The following FCN2 variants were observed in gnomAD, a reference collection of about 807,000 sequenced individuals.
The protein encoded by FCN2 is ficolin 2, also known as ficolin-2.
In FCN2, 31 loss-of-function variants were observed where a neutral mutation model predicts 32.5. The observed-to-expected ratio is 0.96, with a 90% CI of 0.72 to 1.29. The LOEUF is 1.29. FCN2 is among the 50% of genes most tolerant of loss of function. FCN2 has a pLI of 0.00. For synonymous variants in FCN2, 181 were observed against 164.5 expected (o/e 1.10, Z -0.77); for missense variants, 412 against 406.5 (o/e 1.01, Z -0.12).
the FCN2 span, among the ~76,000 whole-genome samples, chr9:134,864,502 G>A: frequency 6.6e-6 from 1 of 152,206 alleles, no homozygotes; most frequent in Non-Finnish European, 1.5e-5. Context: ...AATGGAGAGA[G>A]AGGTTACAGT....
intron 1 of FCN2, among the ~76,000 whole-genome samples, chr9:134,881,919 C>T (rs147899762): frequency 2.0e-5 from 3 of 152,312 alleles, no homozygotes; most frequent in Non-Finnish European, 2.9e-5. Context: ...AGCTGCATTC[C>T]AGCTCTAGTT....
Position 134,884,761 on chromosome 9 carries a change from C to G in FCN2, c.290C>G (p.Pro97Arg), listed in dbSNP as rs543597653. The stretch of plus-strand genomic sequence containing the variant: ...ACAGGAGCACCTGGGGAGCCCCAGC[C>G]GTGCCTGACAGGTGACTGACCACCC... ...GPNGAPGEPQ[P>R]CLTGPRTCKD... is the part of the protein sequence containing the mutation. The change falls in exon 4 of 8, where the codon CCG becomes CGG. Residue 97 changes from proline to arginine, a missense_variant. Physicochemically the swap from Pro to Arg is moderately radical, Grantham distance 103. Coordinates refer to ENST00000291744, the MANE Select transcript of FCN2 (RefSeq NM_004108.3). 64 of 1,614,026 alleles carry G rather than the reference C, an allele frequency of 4.0e-5. No individual in the cohort carries two copies. The highest frequency in any genetic ancestry group is 5.3e-5 in the Non-Finnish European group (63 of 1,179,946).
At chr9:134,884,628 C>G (rs1251800956) in intron 3 of FCN2, 112 bp from the exon 4 acceptor site, 6 of 1,084,906 alleles carry the variant, frequency 5.5e-6, no homozygotes, top group African/African-American at 1.5e-5. Context: ...TGGCTGGACC[C>G]ATACCATCAC....
Position 134,887,206 on chromosome 9 carries a change from A to C in FCN2, c.733A>C (p.Thr245Pro), listed in dbSNP as rs1327068120. ...LTFHNNQSFS[T>P]KDQDNDLNTG... Reference sequence around the variant, plus strand: ...GTTCCACAACAACCAGTCCTTCTCCACCAAAGACCAGGACAATGATCTTAA... The same window carrying C: ...GTTCCACAACAACCAGTCCTTCTCCCCCAAAGACCAGGACAATGATCTTAA... The change falls in exon 8 of 8, where the codon ACC (threonine) becomes CCC (proline). Residue 245 changes from threonine to proline, a missense_variant. Coordinates refer to ENST00000291744, the MANE Select transcript of FCN2 (RefSeq NM_004108.3). 1.2e-6 allele frequency: 2 copies of C among 1,614,120 alleles called. No homozygotes were observed. The highest frequency in any genetic ancestry group is 1.7e-6 in the Non-Finnish European group (2 of 1,179,968).
rs1258759174 is a variant in FCN2, at chr9:134,887,323, C to G, written c.850C>G (p.His284Asp). The change falls in exon 8 of 8, where the codon CAT becomes GAT. Residue 284 changes from histidine to aspartate, a missense_variant. Coordinates refer to ENST00000291744, the MANE Select transcript of FCN2 (RefSeq NM_004108.3). ...GAATGGTCGCTACCTCAGGGGGACT[C>G]ATGGCAGCTTTGCAAATGGCATCAA... ...NLNGRYLRGT[H>D]GSFANGINWK... The G allele has an allele frequency of 1.9e-6, 3 of 1,614,142 alleles. 1 individual carries two copies. The South Asian group carries it at 3.3e-5, about 18-fold the overall frequency.
the FCN2 span, among the ~76,000 whole-genome samples, chr9:134,869,526 C>G: frequency 6.6e-6 from 1 of 152,204 alleles, no homozygotes; most frequent in East Asian, 1.9e-4. Flanking sequence ...GGGCTCAGAC[C>G]CCCGCAGGCT....
chr9:134,876,116 G>A (rs1830601818), upstream of FCN2, among the ~76,000 whole-genome samples: 1 of 152,040 alleles, frequency 6.6e-6, no homozygotes, highest in East Asian at 1.9e-4. Context: ...TCTATTCCTG[G>A]GCTAAACCTC....
At chr9:134,867,606 A>C in the FCN2 span, among the ~76,000 whole-genome samples, 1,959 of 151,472 alleles carry the variant, frequency 0.013, 36 homozygotes, top group South Asian at 0.091. Context: ...TAACCTGCAC[A>C]TTGTACCCAT....
intron 3 of FCN2, among the ~76,000 whole-genome samples, chr9:134,883,821 G>A (rs1830703118): frequency 1.4e-5 from 2 of 138,688 alleles, no homozygotes; most frequent in Admixed American, 7.2e-5. Context: ...GATTATTCGG[G>A]GAGGGACTTT....
the FCN2 span, chr9:134,868,248 A>C: frequency 6.6e-6 from 1 of 152,326 alleles, no homozygotes; most frequent in East Asian, 1.9e-4. This position sits in a 1 kb window ranked among gnomAD's most constrained non-coding sequence, Gnocchi z 4.3. Context: ...GACACACCAC[A>C]ACAACTACCC....
chr9:134,870,821 G>A, the FCN2 span, among the ~76,000 whole-genome samples: 1 of 152,096 alleles, frequency 6.6e-6, no homozygotes, highest in African/African-American at 2.4e-5. The surrounding 1 kb of genome is among the most constrained non-coding windows in gnomAD (Gnocchi z 4.3). Flanking sequence ...TGGGAGGGAG[G>A]TGGGAGGGAA....
intron 3 of FCN2, among the ~76,000 whole-genome samples, chr9:134,884,060 C>G (rs1830707706): frequency 6.6e-6 from 1 of 151,914 alleles, no homozygotes; most frequent in African/African-American, 2.4e-5. Context: ...CTGTCTTGTC[C>G]CCTCCTCCTG....
chr9:134,880,988 GT>G (rs1830655250), intron 1 of FCN2, 67 bp downstream of exon 1: 1 of 1,196,674 alleles, frequency 8.4e-7, no homozygotes, highest in Non-Finnish European at 1.2e-6. Context: ...TTCGTGATTG[GT>G]GGCTTCCTGG....
At chr9:134,885,213 A>G (rs1434337604) in intron 4 of FCN2, 26 bp from the exon 5 acceptor site, 6 of 1,613,866 alleles carry the variant, frequency 3.7e-6, no homozygotes, top group East Asian at 2.2e-5. Flanking sequence ...CCTGTCCTGC[A>G]GCCATTCCCC....
At chr9:134,875,968 T>A (rs4366155), upstream of FCN2, among the ~76,000 whole-genome samples, 58,826 of 152,164 alleles carry the variant, frequency 0.39, 11,559 homozygotes, top group African/African-American at 0.45. Flanking sequence ...TTTTTATTCT[T>A]CATTTTTGGA....
the FCN2 span, among the ~76,000 whole-genome samples, chr9:134,870,273 G>A: frequency 1.3e-5 from 2 of 152,188 alleles, no homozygotes; most frequent in African/African-American, 2.4e-5. The surrounding 1 kb of genome is among the most constrained non-coding windows in gnomAD (Gnocchi z 4.3). Flanking sequence ...GCAGCCCCAC[G>A]GTTCCGACTC....
the FCN2 span, among the ~76,000 whole-genome samples, chr9:134,871,627 G>A: frequency 4.6e-5 from 7 of 152,120 alleles, no homozygotes; most frequent in Non-Finnish European, 7.3e-5. Context: ...GGCCCCTGCC[G>A]AGCTCCTTCT....
chr9:134,878,918 A>G (rs1341154628), upstream of FCN2, among the ~76,000 whole-genome samples: 1 of 152,176 alleles, frequency 6.6e-6, no homozygotes, highest in Admixed American at 6.5e-5. Context: ...TTATTATTCT[A>G]TCTTTTAATA....
At chr9:134,870,427 C>G in the FCN2 span, among the ~76,000 whole-genome samples, 1 of 152,136 alleles carries the variant, frequency 6.6e-6, no homozygotes, top group Non-Finnish European at 1.5e-5. This position sits in a 1 kb window ranked among gnomAD's most constrained non-coding sequence, Gnocchi z 4.3. Flanking sequence ...CCCAGGGTGA[C>G]GCCTGCCACT....
Sources: gnomAD v4.1 joint callset for allele counts (sites outside exome capture counted in the v4.1 genomes callset) on GRCh38, gnomAD v4.1.1 for gene constraint, Gnocchi (gnomAD v3.1) non-coding constraint, MANE v1.5 for transcripts, NCBI Gene and HGNC (gene_info 2026-07-23, HGNC 2026-07-21) for gene names.